RGS5: variants seen among roughly 807,000 people sequenced by gnomAD.
The protein encoded by RGS5 is regulator of G protein signaling 5, also known as regulator of G-protein signalling 5.
RGS5 carries 20 observed loss-of-function variants against 18.9 expected under a neutral mutation model. That is an observed-to-expected ratio of 1.06 (90% CI 0.74 to 1.54). The LOEUF is 1.54. Among genes scored for constraint, RGS5 ranks in the 40% most tolerant of loss-of-function variants. RGS5 has a pLI of 0.00. For synonymous variants in RGS5, 57 were observed against 76.2 expected (o/e 0.75, Z 1.31); for missense variants, 201 against 211.8 (o/e 0.95, Z 0.32).
chr1:163,206,766 C>T (rs566972953), upstream of RGS5: 9 of 152,232 alleles, frequency 5.9e-5, no homozygotes, highest in Admixed American at 3.3e-4. Context: ...CCTGCTGGCA[C>T]CTTGATCTTG....
intron 2 of RGS5, among the ~76,000 whole-genome samples, chr1:163,290,917 A>G (rs1431693432): frequency 6.6e-6 from 1 of 152,144 alleles, no homozygotes; most frequent in Non-Finnish European, 1.5e-5. Context: ...TGAGAGAGAA[A>G]AAGGCCAACA....
At chr1:163,245,345 T>C (rs1647899965) in intron 2 of RGS5, among the ~76,000 whole-genome samples, 1 of 147,752 alleles carries the variant, frequency 6.8e-6, no homozygotes, top group Admixed American at 6.8e-5. Context: ...TTGCCCAGAA[T>C]TATCTTTTCC....
chr1:163,222,032 C>T (rs572736707), upstream of RGS5, among the ~76,000 whole-genome samples: 37 of 152,248 alleles, frequency 2.4e-4, no homozygotes, highest in African/African-American at 8.4e-4. Flanking sequence ...TCAGTATCTG[C>T]CAGTTGCCAA....
In RGS5 at chr1:163,237,455, T is replaced by C. The variant is rs1647660175; in HGVS notation, c.-281+68778A>G. The C allele has an allele frequency of 1.3e-5, 2 of 152,300 alleles. 1 individual carries two copies. Among genetic ancestry groups the C allele is most frequent in the Middle Eastern group, 6.3e-3 (2 of 316 alleles). The allele number at this position is 152,300 out of a possible 1,614,324, so 9.4% of individuals were successfully genotyped here. ...CTGGCACTTTGGGAGGCTGACAAGA[T>C]GGACAAATTGCTTGAGCTGAGGAGT... On this transcript the variant is annotated intron_variant, in intron 2 of 5. Coordinates refer to the RGS5 transcript ENST00000618415.
chr1:163,176,521 T>C (rs1658565247), intron 1 of RGS5, among the ~76,000 whole-genome samples: 1 of 151,380 alleles, frequency 6.6e-6, no homozygotes, highest in South Asian at 2.1e-4. Context: ...CTCCAGAGGC[T>C]GAGGCAGGAG....
chr1:163,238,908 AT>A, intron 2 of RGS5: 1 of 180,816 alleles, frequency 5.5e-6, no homozygotes. Flanking sequence ...GTCTTGGATT[AT>A]TTATGTTTAA....
chr1:163,254,238 A>C (rs1648203442), intron 2 of RGS5, among the ~76,000 whole-genome samples: 1 of 148,798 alleles, frequency 6.7e-6, no homozygotes, highest in Non-Finnish European at 1.5e-5. Context: ...TGACTTCCAC[A>C]ATGGTTGAAC....
chr1:163,268,788 T>C lies in RGS5; in HGVS notation c.-281+37445A>G, dbSNP rs540682456. Among the ~76,000 whole-genome samples the C allele has an allele frequency of 2.6e-5, 4 of 152,270 alleles. No individual in the cohort carries two copies. The South Asian group carries it at 8.3e-4, about 32-fold the overall frequency. On this transcript the variant is annotated intron_variant, in intron 2 of 5. Coordinates refer to the RGS5 transcript ENST00000618415. ...GGGCAATGCTCTCCCCTCTCTTCCT[T>C]CTGCCTTCTGACTGGTCTAGGTGTT...
chr1:163,303,633 A>T (rs1415516140), intron 2 of RGS5, among the ~76,000 whole-genome samples: 1 of 152,214 alleles, frequency 6.6e-6, no homozygotes, highest in Non-Finnish European at 1.5e-5. Context: ...TAGCAGCTCT[A>T]TCAGTCCTTG....
chr1:163,299,343 T>C (rs1047413801), intron 2 of RGS5, among the ~76,000 whole-genome samples: 11 of 152,158 alleles, frequency 7.2e-5, no homozygotes, highest in African/African-American at 2.7e-4. Flanking sequence ...TTGCTTGTCT[T>C]TTCCAAATTT....
intron 2 of RGS5, among the ~76,000 whole-genome samples, chr1:163,227,594 C>G (rs565476702): frequency 1.5e-4 from 23 of 151,912 alleles, no homozygotes; most frequent in African/African-American, 5.6e-4. Context: ...CCACCCCTCC[C>G]AAATCTCATG....
chr1:163,244,111 T>C lies in RGS5; in HGVS notation c.-281+62122A>G, dbSNP rs572365544. On this transcript the variant is annotated intron_variant, in intron 2 of 5. Coordinates refer to the RGS5 transcript ENST00000618415. ...ATTTCTACTATTGCCTTTTTCACTA[T>C]TGTTGTCAATTTGAGATGTACTTCA... Among the ~76,000 whole-genome samples, 25 of 152,324 alleles carry C rather than the reference T, an allele frequency of 1.6e-4. No homozygotes were observed. In the South Asian group the frequency reaches 5.0e-3, roughly 30 times the overall value.
chr1:163,237,554 G>T (rs12404236), intron 2 of RGS5, among the ~76,000 whole-genome samples: 2 of 151,814 alleles, frequency 1.3e-5, no homozygotes, highest in African/African-American at 4.8e-5. Flanking sequence ...GCACGGTGGC[G>T]TGCACCTGTA....
At chr1:163,177,327 T>A (rs1044523545) in intron 1 of RGS5, among the ~76,000 whole-genome samples, 2 of 152,238 alleles carry the variant, frequency 1.3e-5, no homozygotes, top group African/African-American at 4.8e-5. Context: ...GCTTAGAATA[T>A]TATTGTATCT....
upstream of RGS5, among the ~76,000 whole-genome samples, chr1:163,219,233 C>A (rs1660283474): frequency 6.6e-6 from 1 of 152,110 alleles, no homozygotes; most frequent in South Asian, 2.1e-4. Flanking sequence ...CTAAGAGCAC[C>A]CCAGAAGCCC....
chr1:163,247,092 G>A (rs1251358551), intron 2 of RGS5, among the ~76,000 whole-genome samples: 1 of 151,520 alleles, frequency 6.6e-6, no homozygotes, highest in African/African-American at 2.4e-5. Context: ...AGGGTGAAAG[G>A]TGGGAGAAGG....
intron 2 of RGS5, among the ~76,000 whole-genome samples, chr1:163,254,903 G>T (rs928546958): frequency 6.6e-6 from 1 of 151,424 alleles, no homozygotes; most frequent in Non-Finnish European, 1.5e-5. Context: ...ATTAAATAGG[G>T]AATCCTTTCC....
rs1657418497 is a variant in RGS5 at position 163,152,631 on chromosome 1, C to T, written c.303G>A (p.Lys101=). ...CCATCTTGGCAGGGGACTTGATCTT[C>T]TTGTAATCCTCACAGGCAATCCAGA... ...LEFWIACEDY[K]KIKSPAKMAE... The change falls in exon 4 of 5, where the codon AAG becomes AAA. Residue 101 remains lysine (K), a synonymous_variant. Coordinates refer to ENST00000313961, the MANE Select transcript of RGS5 (RefSeq NM_003617.4). 6.2e-7 allele frequency: 1 copy of T among 1,612,924 alleles called. No homozygotes were observed. The highest frequency in any genetic ancestry group is 1.3e-5 in the African/African-American group (1 of 74,896).
intron 3 of RGS5, among the ~76,000 whole-genome samples, chr1:163,161,244 G>A (rs1657786322): frequency 6.6e-6 from 1 of 152,188 alleles, no homozygotes; most frequent in Non-Finnish European, 1.5e-5. Flanking sequence ...TATAGTTATG[G>A]TGATCTTGAA....
Sources: allele counts gnomAD v4.1 joint callset (sites outside exome capture counted in the v4.1 genomes callset), GRCh38; gene constraint gnomAD v4.1.1; transcripts MANE v1.5; gene names NCBI Gene and HGNC (gene_info 2026-07-23, HGNC 2026-07-21).